The following C1orf167 variants were observed in gnomAD, a reference collection of about 807,000 sequenced individuals.
C1orf167 encodes chromosome 1 open reading frame 167.
C1orf167 carries 153 observed loss-of-function variants against 176.5 expected under a neutral mutation model. That is an observed-to-expected ratio of 0.87 (90% CI 0.76 to 0.99). C1orf167 has a LOEUF of 0.99. Ranked by LOEUF, C1orf167 falls within the 50% of genes least tolerant of loss-of-function variation. The probability of loss-of-function intolerance (pLI) is 0.00; values close to 1 mark genes in which losing one functional copy is unlikely to be tolerated. For synonymous variants in C1orf167, 594 were observed against 752.7 expected, an observed-to-expected ratio of 0.79 and a Z score of 3.45; for missense variants, 1,490 against 1,817.7, an observed-to-expected ratio of 0.82 and a Z score of 3.28.
intron 8 of C1orf167, 149 bp from the exon 9 acceptor site, chr1:11,775,286 C>CTACAAACA (rs1335118929): frequency 1.8e-6 from 1 of 554,258 alleles, no homozygotes. Context: ...GAAACTCCGT[C>CTACAAACA]TACAAACAAC....
intron 1 of C1orf167, among the ~76,000 whole-genome samples, chr1:11,763,948 AG>A (rs938386942): frequency 4.6e-5 from 7 of 152,114 alleles, no homozygotes; most frequent in Non-Finnish European, 5.9e-5. Flanking sequence ...TCCGTGGAAA[AG>A]GGGGGCACCA....
chr1:11,779,052 A>G lies in C1orf167; in HGVS notation c.2623A>G (p.Arg875Gly), dbSNP rs539147205. The G allele has an allele frequency of 5.8e-4, 735 of 1,273,856 alleles. No individual in the cohort carries two copies. Among genetic ancestry groups the G allele is most frequent in the Non-Finnish European group, 7.1e-4 (694 of 975,326 alleles). The allele number at this position is 1,273,856 out of a possible 1,614,324, so 78.9% of individuals were successfully genotyped here. A position where few individuals can be genotyped will look rare whatever the true frequency, so the allele number is the denominator to read the frequency against. ...GGCCCAGCAGTTCCAGGGCACAGCC[A>G]GGTGGTACCAGCATACCCGCCAGAG... ...ARAQQFQGTA[R>G]WYQHTRQRRI... is the part of the protein sequence containing the mutation. Residue 875 changes from arginine (R) to glycine (G), a missense_variant, in exon 12 of 21, where the codon AGG becomes GGG. Physicochemically the swap from Arg to Gly is moderately radical, Grantham distance 125. Coordinates refer to ENST00000688073, the MANE Select transcript of C1orf167 (RefSeq NM_001010881.2).
At chr1:11,788,450 A>G in intron 19 of C1orf167, 72 bp downstream of exon 19, 3 of 1,226,594 alleles carry the variant, frequency 2.4e-6, no homozygotes, top group Non-Finnish European at 3.2e-6. Context: ...ACCCCTCTCA[A>G]AAGTATGGCC....
Position 11,784,213 on chromosome 1 carries a change from G to C in C1orf167, c.3045G>C (p.Gly1015=). ...GGTGTGAGGTTGTAAGAGACACGGG[G>C]GTGCTCCGGGCCCAGCATCAAGCCT... ...QAWCEVVRDT[G]VLRAQHQAFQ... is the part of the protein sequence containing the mutation. Residue 1015 remains glycine, a synonymous_variant, in exon 15 of 21, where the codon GGG becomes GGC. Transcript: ENST00000688073. 1 of 1,272,212 alleles carries C rather than the reference G, an allele frequency of 7.9e-7. No individual in the cohort carries two copies. The allele number at this position is 1,272,212 out of a possible 1,614,324, so 78.8% of individuals were successfully genotyped here. A position where few individuals can be genotyped will look rare whatever the true frequency, so the allele number is the denominator to read the frequency against.
At chr1:11,776,991 C>G (rs4846040) in intron 10 of C1orf167, 104,852 of 154,792 alleles carry the variant, frequency 0.68, 36,322 homozygotes, top group East Asian at 0.89. Flanking sequence ...ATGTCTGTCT[C>G]GCCGTCACCG....
rs1557721222 is a variant in C1orf167 at position 11,766,716 on chromosome 1, G to A, written c.930G>A (p.Glu310=). 2 of 1,289,786 alleles carry A rather than the reference G, an allele frequency of 1.6e-6. No individual in the cohort carries two copies. The highest frequency in any genetic ancestry group is 2.1e-4 in the Middle Eastern group (1 of 4,696). The allele number at this position is 1,289,786 out of a possible 1,614,324, so 79.9% of individuals were successfully genotyped here. A position where few individuals can be genotyped will look rare whatever the true frequency, so the allele number is the denominator to read the frequency against. The part of the protein sequence containing the change: ...RGHRETAAFL[E]TPASLSDSWA... ...ACAGGGAAACTGCGGCTTTCTTGGA[G>A]ACCCCGGCTAGTCTCTCAGACTCTT... Residue 310 remains glutamate (E), a synonymous_variant, in exon 3 of 21, where the codon GAG becomes GAA. Coordinates refer to ENST00000688073, the MANE Select transcript of C1orf167 (RefSeq NM_001010881.2). The surrounding 1 kb of genome is among the most constrained non-coding windows in gnomAD (Gnocchi z 4.5).
At chr1:11,770,839 C>G (rs1215733630) in intron 6 of C1orf167, among the ~76,000 whole-genome samples, 1 of 148,050 alleles carries the variant, frequency 6.8e-6, no homozygotes, top group African/African-American at 2.5e-5. Flanking sequence ...GAGCCTTGCT[C>G]TGTCACCCAG....
At chr1:11,788,562 T>G (rs1643972359) in intron 19 of C1orf167, 90 bp from the exon 20 acceptor site, 3 of 1,176,292 alleles carry the variant, frequency 2.6e-6, no homozygotes, top group Non-Finnish European at 3.4e-6. Context: ...TTCACTCTGG[T>G]GCAGCAGTGT....
At chr1:11,777,682 C>T (rs1265801417) in intron 10 of C1orf167, 1 of 151,878 alleles carries the variant, frequency 6.6e-6, no homozygotes, top group Non-Finnish European at 1.5e-5. Context: ...TTGAAAGCCA[C>T]ACACCCACAT....
At position 11,789,317 on chromosome 1, in the gene C1orf167, A is replaced by G; in HGVS notation, c.4221A>G (p.Arg1407=). Residue 1407 remains arginine, a synonymous_variant, in exon 21 of 21, where the codon AGA becomes AGG. Coordinates refer to ENST00000688073, the MANE Select transcript of C1orf167 (RefSeq NM_001010881.2). ...GCCTGGCAGCCAGGAGCCCAAGGAG[A>G]GGAGCTGCCAGTAGCCCAAGACCCT... ...HQRLAARSPR[R]GAASSPRPWS... is the part of the protein sequence containing the mutation. 1 of 1,303,992 alleles carries G rather than the reference A, an allele frequency of 7.7e-7. No individual in the cohort carries two copies. The highest frequency in any genetic ancestry group is 2.3e-5 in the Admixed American group (1 of 43,572). The allele number at this position is 1,303,992 out of a possible 1,614,324, so 80.8% of individuals were successfully genotyped here. A position where few individuals can be genotyped will look rare whatever the true frequency, so the allele number is the denominator to read the frequency against.
intron 8 of C1orf167, among the ~76,000 whole-genome samples, chr1:11,774,211 A>T (rs115520861): frequency 0.025 from 3,739 of 151,976 alleles, 72 homozygotes; most frequent in Non-Finnish European, 0.036. Context: ...GGCGAATTTT[A>T]AAAAATTTTG....
At position 11,771,975 on chromosome 1, in the gene C1orf167, T is replaced by C. The variant is rs954881616; in HGVS notation, c.1811-107T>C. On this transcript the variant is annotated intron_variant, in intron 7 of 20. Transcript: ENST00000688073. ...GAGCTAGACTTCACTTACTCAGAGATGGGGGGTGCCCTGCGACAGGCACCC... is the reference window on the plus strand; with the variant it reads ...GAGCTAGACTTCACTTACTCAGAGACGGGGGGTGCCCTGCGACAGGCACCC... The C allele has an allele frequency of 3.6e-6, 3 of 836,574 alleles. No homozygotes were observed. In the Admixed American group the frequency reaches 1.1e-4, roughly 30 times the overall value. The allele number at this position is 836,574 out of a possible 1,614,324, so 51.8% of individuals were successfully genotyped here.
At chr1:11,787,297 C>CT in intron 16 of C1orf167, 91 bp from the exon 17 acceptor site, 1 of 703,148 alleles carries the variant, frequency 1.4e-6, no homozygotes, top group Non-Finnish European at 2.0e-6. Flanking sequence ...GGGATGTGTC[C>CT]TGCCAGCTAG....
Position 11,773,231 on chromosome 1 carries a change from GATA to G in C1orf167, c.1988+977_1988+979del, listed in dbSNP as rs531816429. 7.9e-5 allele frequency among the ~76,000 whole-genome samples: 12 copies of G among 152,110 alleles called. No homozygotes were observed. The South Asian group carries it at 2.5e-3, about 32-fold the overall frequency. ...TCTTACTCAAAAGTAGAGCAGATAG[GATA>G]ATAAACCCCAGCGCACCAATTACCC... is the stretch of plus-strand genomic sequence containing the variant. On this transcript the variant is annotated intron_variant, in intron 8 of 20. Coordinates refer to ENST00000688073, the MANE Select transcript of C1orf167 (RefSeq NM_001010881.2).
At chr1:11,770,580 AT>A (rs1643006047) in intron 6 of C1orf167, among the ~76,000 whole-genome samples, 1 of 148,802 alleles carries the variant, frequency 6.7e-6, no homozygotes, top group East Asian at 2.0e-4. Context: ...AGTAGCTGGG[AT>A]TATAGGCACA....
intron 2 of C1orf167, 81 bp downstream of exon 2, chr1:11,764,551 G>T: frequency 8.4e-7 from 1 of 1,195,084 alleles, no homozygotes; most frequent in Middle Eastern, 2.5e-4. Context: ...CCCCTCCCAG[G>T]CAGGCCAGCC....
intron 19 of C1orf167, 125 bp from the exon 20 acceptor site, chr1:11,788,527 G>C: frequency 9.0e-7 from 1 of 1,113,476 alleles, no homozygotes; most frequent in South Asian, 1.4e-5. Context: ...ATACTCCTCA[G>C]ATGACACCCC....
At chr1:11,772,907 A>G (rs552113352) in intron 8 of C1orf167, among the ~76,000 whole-genome samples, 15 of 150,058 alleles carry the variant, frequency 1.0e-4, no homozygotes, top group African/African-American at 3.4e-4. Flanking sequence ...TATTATTATT[A>G]TTATTATTTG....
Position 11,771,558 on chromosome 1 carries a change from C to T in C1orf167, c.1732C>T (p.Arg578Trp), listed in dbSNP as rs6667720. The T allele has an allele frequency of 0.7, 899,658 of 1,289,004 alleles. 316,441 individuals are homozygous for T. The highest frequency in any genetic ancestry group is 0.89 in the East Asian group (15,920 of 17,980). The allele number at this position is 1,289,004 out of a possible 1,614,324, so 79.8% of individuals were successfully genotyped here. Residue 578 changes from arginine to tryptophan, a missense_variant, in exon 7 of 21, where the codon CGG becomes TGG. Physicochemically the swap from Arg to Trp is moderately radical, Grantham distance 101. Transcript: ENST00000688073. Reference sequence around the variant, plus strand: ...TCTGAGGGAGGAGGAGATTGCTCAGCGGCTTCTGTCACATCCTAGGCAGAG... The same window carrying T: ...TCTGAGGGAGGAGGAGATTGCTCAGTGGCTTCTGTCACATCCTAGGCAGAG... ...GSLREEEIAQ[R>W]LLSHPRQRTD...
Sources: allele counts gnomAD v4.1 joint callset (sites outside exome capture counted in the v4.1 genomes callset), GRCh38; gene constraint gnomAD v4.1.1; non-coding constraint Gnocchi (gnomAD v3.1); transcripts MANE v1.5; gene names NCBI Gene and HGNC (gene_info 2026-07-23, HGNC 2026-07-21).